The following TTF1 variants were observed in gnomAD, a reference collection of about 807,000 sequenced individuals.
The protein encoded by TTF1 is transcription termination factor, RNA polymerase I.
TTF1 carries 64 observed loss-of-function variants against 80.2 expected under a neutral mutation model. That is an observed-to-expected ratio of 0.80 (90% CI 0.65 to 0.98). The LOEUF is 0.98. Ranked by LOEUF, TTF1 falls within the 50% of genes least tolerant of loss-of-function variation. The probability of loss-of-function intolerance (pLI) is 0.00; values close to 1 mark genes in which losing one functional copy is unlikely to be tolerated. For synonymous variants in TTF1, 372 were observed against 382.7 expected (o/e 0.97, Z 0.33); for missense variants, 1,023 against 1,086.2 (o/e 0.94, Z 0.82).
intron 5 of TTF1, among the ~76,000 whole-genome samples, chr9:132,394,248 T>C (rs1419287042): frequency 1.3e-5 from 2 of 151,724 alleles, no homozygotes; most frequent in African/African-American, 2.4e-5. Context: ...TGTCTGTAAA[T>C]GCAGCGTATG....
chr9:132,383,886 G>A (rs1399818930), intron 9 of TTF1, among the ~76,000 whole-genome samples: 1 of 152,154 alleles, frequency 6.6e-6, no homozygotes, highest in Non-Finnish European at 1.5e-5. Flanking sequence ...TATAAAGAAT[G>A]TCACTATATG....
At chr9:132,385,799 G>A (rs1490756042) in intron 9 of TTF1, among the ~76,000 whole-genome samples, 1 of 109,264 alleles carries the variant, frequency 9.2e-6, no homozygotes, top group Non-Finnish European at 2.0e-5. Flanking sequence ...TATACAGAAG[G>A]TAGTCAATAA....
intron 9 of TTF1, among the ~76,000 whole-genome samples, chr9:132,386,206 T>C (rs1439792123): frequency 6.6e-6 from 1 of 152,188 alleles, no homozygotes; most frequent in African/African-American, 2.4e-5. Flanking sequence ...ATAGGTATTA[T>C]GCTCTAGCTA....
At chr9:132,401,388 A>C in intron 2 of TTF1, 67 bp downstream of exon 2, 1 of 1,435,198 alleles carries the variant, frequency 7.0e-7, no homozygotes, top group Non-Finnish European at 9.3e-7. Context: ...TGTGCTAAAT[A>C]AAGAGGTATC....
At chr9:132,385,779 C>CAGGCACTACATTT (rs11272258) in intron 9 of TTF1, among the ~76,000 whole-genome samples, 3 of 152,170 alleles carry the variant, frequency 2.0e-5, no homozygotes, top group African/African-American at 4.8e-5. Flanking sequence ...AGTTCCTACT[C>CAGGCACTACATTT]TGTGCCTGGT....
chr9:132,383,065 CAA>C (rs61237895), intron 9 of TTF1, among the ~76,000 whole-genome samples: 144,584 of 148,204 alleles, frequency 0.98, 70,628 homozygotes, highest in East Asian at 1. Context: ...AAATCCGTCT[CAA>C]AAAAAAAAAA....
chr9:132,401,852 G>T lies in TTF1; in HGVS notation c.970C>A (p.Pro324Thr). 6.2e-7 allele frequency: 1 copy of T among 1,612,898 alleles called. No individual in the cohort carries two copies. The highest frequency in any genetic ancestry group is 8.5e-7 in the Non-Finnish European group (1 of 1,179,946). The change falls in exon 2 of 11, where the codon CCA becomes ACA. Residue 324 changes from proline (P) to threonine (T), a missense_variant. Coordinates refer to ENST00000334270, the MANE Select transcript of TTF1 (RefSeq NM_007344.4). ...VGLHGETAGI[P>T]APAYKNKSKK... Reference sequence around the variant, plus strand: ...GACTTGTTTTTATAAGCAGGTGCTGGTATTCCTGCAGTTTCACCATGCAGG... The same window carrying T: ...GACTTGTTTTTATAAGCAGGTGCTGTTATTCCTGCAGTTTCACCATGCAGG...
chr9:132,383,039 T>C (rs1316702168), intron 9 of TTF1, among the ~76,000 whole-genome samples: 1 of 147,674 alleles, frequency 6.8e-6, no homozygotes, highest in Non-Finnish European at 1.5e-5. Flanking sequence ...CACTCCAGCC[T>C]GGGCAACAAG....
chr9:132,392,370 C>T (rs1849575516), intron 5 of TTF1, among the ~76,000 whole-genome samples, 164 bp from the exon 6 acceptor site: 1 of 152,146 alleles, frequency 6.6e-6, no homozygotes, highest in Admixed American at 6.5e-5. Context: ...CACTGGTGGT[C>T]ATCCTATCAA....
intron 1 of TTF1, among the ~76,000 whole-genome samples, chr9:132,403,470 C>T (rs1048671244): frequency 6.6e-6 from 1 of 152,054 alleles, no homozygotes; most frequent in African/African-American, 2.4e-5. Flanking sequence ...TAACCTTTCC[C>T]CCCCAGCTCT....
intron 8 of TTF1, among the ~76,000 whole-genome samples, chr9:132,387,655 G>A (rs747229204): frequency 3.3e-5 from 5 of 152,078 alleles, no homozygotes; most frequent in Non-Finnish European, 5.9e-5. Flanking sequence ...ATCACGAAAC[G>A]GGCCCATGTC....
chr9:132,394,243 G>C (rs746422803), intron 5 of TTF1, among the ~76,000 whole-genome samples: 2 of 151,706 alleles, frequency 1.3e-5, no homozygotes, highest in Non-Finnish European at 2.9e-5. Context: ...ACATTTGTCT[G>C]TAAATGCAGC....
rs770528448 is a variant in TTF1, at chr9:132,402,000, CT to C, written c.821del (p.Lys274SerfsTer149). ...ACTTTTTCTTCTTTTTTTTCTTAGA[CT>C]TTTTTTTGTGAGTAGGTCCTAGTAG... ...PQLLGPTHKK[K>X]SKKKKKKKSN... On this transcript the variant is annotated frameshift_variant, in exon 2 of 11. Coordinates refer to ENST00000334270, the MANE Select transcript of TTF1 (RefSeq NM_007344.4). LOFTEE classifies it high-confidence loss of function. 2.5e-6 allele frequency: 4 copies of C among 1,613,338 alleles called. No homozygotes were observed. In the East Asian group the frequency reaches 6.7e-5, roughly 27 times the overall value.
intron 9 of TTF1, among the ~76,000 whole-genome samples, chr9:132,382,812 T>C (rs979436319): frequency 6.7e-6 from 1 of 149,622 alleles, no homozygotes; most frequent in African/African-American, 2.5e-5. Context: ...ACGCCTGTAA[T>C]CTCAGCAATT....
At chr9:132,379,025 T>C (rs778683454) in intron 10 of TTF1, 34 bp downstream of exon 10, 2 of 1,510,654 alleles carry the variant, frequency 1.3e-6, no homozygotes, top group East Asian at 2.4e-5. Flanking sequence ...CCAAATGCCA[T>C]GTTCTTAGCC....
At chr9:132,401,374 A>G in intron 2 of TTF1, 81 bp downstream of exon 2, 2 of 1,220,080 alleles carry the variant, frequency 1.6e-6, no homozygotes, top group Non-Finnish European at 2.1e-6. Context: ...AATAAAAAAA[A>G]GTCTGTGCTA....
chr9:132,404,703 A>G (rs922568696), intron 1 of TTF1, among the ~76,000 whole-genome samples: 1 of 151,932 alleles, frequency 6.6e-6, no homozygotes, highest in Admixed American at 6.6e-5. Context: ...CACTCTTTCC[A>G]TTACCTCACC....
At chr9:132,387,426 T>C (rs1849488419) in intron 8 of TTF1, among the ~76,000 whole-genome samples, 1 of 151,968 alleles carries the variant, frequency 6.6e-6, no homozygotes, top group East Asian at 1.9e-4. Flanking sequence ...GATCTGGTAA[T>C]CTATGCTGCC....
rs563604535 is a variant in TTF1 at position 132,384,239 on chromosome 9, G to A, written c.2378+2317C>T. Among the ~76,000 whole-genome samples, 65 of 152,112 alleles carry A rather than the reference G, an allele frequency of 4.3e-4. No homozygotes were observed. Among genetic ancestry groups the A allele is most frequent in the Non-Finnish European group, 8.1e-4 (55 of 68,030 alleles). On this transcript the variant is annotated intron_variant, in intron 9 of 10. Coordinates refer to ENST00000334270, the MANE Select transcript of TTF1 (RefSeq NM_007344.4). This position sits in a 1 kb window ranked among gnomAD's most constrained non-coding sequence, Gnocchi z 4.1. ...TTTCTGAAAAAAATAATTGGGCATT[G>A]CTAATAAAGCAGTACTTAGAAGAAA...
Sources: allele counts gnomAD v4.1 joint callset (sites outside exome capture counted in the v4.1 genomes callset), GRCh38; gene constraint gnomAD v4.1.1; non-coding constraint Gnocchi (gnomAD v3.1); transcripts MANE v1.5; gene names NCBI Gene and HGNC (gene_info 2026-07-23, HGNC 2026-07-21).